The following PHACTR2 variants were observed in gnomAD, a reference collection of about 807,000 sequenced individuals.
PHACTR2 encodes phosphatase and actin regulator 2, also known as chromosome 6 open reading frame 56.
In PHACTR2, 30 loss-of-function variants were observed where a neutral mutation model predicts 76.0. The observed-to-expected ratio is 0.39, with a 90% CI of 0.30 to 0.54. The LOEUF (loss-of-function observed/expected upper bound fraction) is 0.54. PHACTR2 is among the 20% of genes least tolerant of loss of function. The probability of loss-of-function intolerance (pLI) is 0.61; values close to 1 mark genes in which losing one functional copy is unlikely to be tolerated. For missense variants in PHACTR2, 696 were observed against 781.1 expected (o/e 0.89, Z 1.30); for synonymous variants, 292 against 292.5 (o/e 1.00, Z 0.02).
rs1026879225 is a variant in PHACTR2, at chr6:143,628,961, A to C, written c.13+20639A>C. ...TATATATATATATATATATATATAT[A>C]TATATATATATATATATACTGCAAA... On this transcript the variant is annotated intron_variant, in intron 1 of 11. Transcript: ENST00000305766. 1.0e-4 allele frequency among the ~76,000 whole-genome samples: 12 copies of C among 115,258 alleles called. 1 individual carries two copies. Among genetic ancestry groups the C allele is most frequent in the Admixed American group, 6.7e-4 (8 of 11,968 alleles). 75.6% of individuals were successfully genotyped at this position (115,258 alleles called of 152,430 possible).
chr6:143,745,266 C>T (rs1353704372), intron 2 of PHACTR2, among the ~76,000 whole-genome samples: 6 of 152,160 alleles, frequency 3.9e-5, no homozygotes, highest in Admixed American at 3.3e-4. Context: ...CGACTGCTGC[C>T]GTTTTCTGCT....
rs553151537 is a variant in PHACTR2, at chr6:143,726,069, G to A, written c.214+13886G>A. Among the ~76,000 whole-genome samples, 96 of 152,298 alleles carry A rather than the reference G, an allele frequency of 6.3e-4. 1 individual carries two copies. The highest frequency in any genetic ancestry group is 2.0e-3 in the African/African-American group (85 of 41,576). On this transcript the variant is annotated intron_variant, in intron 2 of 12. Transcript: ENST00000440869. Reference sequence around the variant, plus strand: ...AAATAAAGTTGCTATAAACATTCTTGTGTACATTCTTGTGTGAGCAAAAGT... The same window carrying A: ...AAATAAAGTTGCTATAAACATTCTTATGTACATTCTTGTGTGAGCAAAAGT...
intron 1 of PHACTR2, among the ~76,000 whole-genome samples, chr6:143,569,306 A>G (rs954730410): frequency 1.3e-5 from 2 of 152,240 alleles, no homozygotes; most frequent in Non-Finnish European, 2.9e-5. Flanking sequence ...AATCATAGCC[A>G]CAGGATGGTG....
At chr6:143,544,709 A>T (rs1423004604) in intron 1 of PHACTR2, among the ~76,000 whole-genome samples, 7 of 152,194 alleles carry the variant, frequency 4.6e-5, no homozygotes, top group Non-Finnish European at 1.0e-4. Flanking sequence ...ATCATTGAAG[A>T]TGGAAAGCAT....
At chr6:143,612,222 GA>G (rs1245820965) in intron 1 of PHACTR2, among the ~76,000 whole-genome samples, 1 of 152,158 alleles carries the variant, frequency 6.6e-6, no homozygotes, top group Non-Finnish European at 1.5e-5. Flanking sequence ...TTTATAGATG[GA>G]AATAAGACCA....
intron 2 of PHACTR2, among the ~76,000 whole-genome samples, chr6:143,723,217 T>C (rs112258204): frequency 1.3e-3 from 194 of 152,328 alleles, no homozygotes; most frequent in Non-Finnish European, 2.4e-3. Context: ...ACTCTTTTCA[T>C]ATGTCATGAT....
chr6:143,647,715 T>C lies in PHACTR2; in HGVS notation c.13+39393T>C, dbSNP rs551530993. Among the ~76,000 whole-genome samples the C allele has an allele frequency of 2.8e-4, 43 of 152,214 alleles. No individual in the cohort carries two copies. The highest frequency in any genetic ancestry group is 1.0e-3 in the African/African-American group (42 of 41,526). The stretch of plus-strand genomic sequence containing the variant: ...GAGGGAGGAGGAAACCTTGCAGATA[T>C]CTTGGGAGAAGAGCACCTGTACAGA... On this transcript the variant is annotated intron_variant, in intron 1 of 11. Transcript: ENST00000305766. The surrounding 1 kb of genome is among the most constrained non-coding windows in gnomAD (Gnocchi z 4.2).
In PHACTR2 at chr6:143,556,409, G is replaced by A. The variant is rs747099189; in HGVS notation, c.217+19202G>A. The stretch of plus-strand genomic sequence containing the variant: ...AGGAAGTAGTGCATTTTACTAAATG[G>A]AGAAAACATTGAAGGCAGCCAGCTT... On this transcript the variant is annotated intron_variant, in intron 1 of 11. Coordinates refer to the PHACTR2 transcript ENST00000367584. This position sits in a 1 kb window ranked among gnomAD's most constrained non-coding sequence, Gnocchi z 4.3. Among the ~76,000 whole-genome samples, 99 of 152,320 alleles carry A rather than the reference G, an allele frequency of 6.5e-4. 1 individual carries two copies. Among genetic ancestry groups the A allele is most frequent in the Middle Eastern group, 6.8e-3 (2 of 294 alleles).
intron 2 of PHACTR2, among the ~76,000 whole-genome samples, chr6:143,744,749 G>A (rs1779018052): frequency 6.6e-6 from 1 of 152,236 alleles, no homozygotes. Context: ...GGGATTGTTG[G>A]AAGTAAGATG....
At position 143,658,394 on chromosome 6, in the gene PHACTR2, G is replaced by A. The variant is rs1194418211; in HGVS notation, c.13+50072G>A. On this transcript the variant is annotated intron_variant, in intron 1 of 11. Coordinates refer to the PHACTR2 transcript ENST00000305766. The surrounding 1 kb of genome is among the most constrained non-coding windows in gnomAD (Gnocchi z 4.1). The stretch of plus-strand genomic sequence containing the variant: ...GTGCAGTATTTGAAAACGAATTACA[G>A]CACTCAGTCTCTTTTTCCCAACAGA... Among the ~76,000 whole-genome samples, 1 of 152,146 alleles carries A rather than the reference G, an allele frequency of 6.6e-6. No individual in the cohort carries two copies. The highest frequency in any genetic ancestry group is 2.4e-5 in the African/African-American group (1 of 41,426).
chr6:143,576,057 A>C (rs1775503439), intron 1 of PHACTR2, among the ~76,000 whole-genome samples: 1 of 152,260 alleles, frequency 6.6e-6, no homozygotes, highest in African/African-American at 2.4e-5. Flanking sequence ...ATTGATGTCC[A>C]ACAGAACTAA....
At chr6:143,687,288 G>A (rs748638846) in intron 1 of PHACTR2, among the ~76,000 whole-genome samples, 4 of 152,006 alleles carry the variant, frequency 2.6e-5, no homozygotes, top group Non-Finnish European at 4.4e-5. Context: ...CAAGTCACAC[G>A]TCACCTCTTG....
intron 1 of PHACTR2, among the ~76,000 whole-genome samples, chr6:143,582,945 A>G (rs1318471403): frequency 6.6e-6 from 1 of 152,236 alleles, no homozygotes. Flanking sequence ...GTATAAAAAT[A>G]TATAAATAAT....
chr6:143,765,610 C>T lies in PHACTR2; in HGVS notation c.1044C>T (p.Ala348=), dbSNP rs753879112. ...TGGCTCCAGCACCTTCTCCTCTGGC[C>T]CCCCCTCTCCCTCTTGAGGATCAGT... ...PPVAPAPSPL[A]PPLPLEDQCI... Residue 348 remains alanine (A), a synonymous_variant, in exon 6 of 13, where the codon GCC becomes GCT. Coordinates refer to ENST00000440869, the MANE Select transcript of PHACTR2 (RefSeq NM_001100164.2). The surrounding 1 kb of genome is among the most constrained non-coding windows in gnomAD (Gnocchi z 4.1). 4.3e-6 allele frequency: 7 copies of T among 1,614,074 alleles called. No individual in the cohort carries two copies. Among genetic ancestry groups the T allele is most frequent in the Middle Eastern group, 1.6e-4 (1 of 6,062 alleles).
chr6:143,823,603 C>A lies in PHACTR2; in HGVS notation c.1923-71C>A, dbSNP rs967052109. ...CCTTTTCATTGTAAACATGACCACG[C>A]CTTATTCAGCTCACTGCATGCAGAA... On this transcript the variant is annotated intron_variant, in intron 12 of 12. Coordinates refer to ENST00000440869, the MANE Select transcript of PHACTR2 (RefSeq NM_001100164.2). The surrounding 1 kb of genome is among the most constrained non-coding windows in gnomAD (Gnocchi z 5.7). 1 of 1,184,800 alleles carries A rather than the reference C, an allele frequency of 8.4e-7. No individual in the cohort carries two copies. Among genetic ancestry groups the A allele is most frequent in the Admixed American group, 1.7e-5 (1 of 58,914 alleles). 73.4% of individuals were successfully genotyped at this position (1,184,800 alleles called of 1,614,324 possible).
chr6:143,607,623 T>C (rs779886075), upstream of PHACTR2, among the ~76,000 whole-genome samples: 28 of 152,194 alleles, frequency 1.8e-4, no homozygotes, highest in Non-Finnish European at 3.1e-4. Flanking sequence ...TGATCAGAAA[T>C]AGAAGAACTA....
chr6:143,543,420 G>T lies in PHACTR2; in HGVS notation c.217+6213G>T, dbSNP rs1236617374. ...CCCTCAGGAACTCACAGTTTAGTGG[G>T]GAAAGACAGGCCAATAAGCCAAAGA... On this transcript the variant is annotated intron_variant, in intron 1 of 11. Coordinates refer to the PHACTR2 transcript ENST00000367584. The surrounding 1 kb of genome is among the most constrained non-coding windows in gnomAD (Gnocchi z 4.7). 1.3e-5 allele frequency among the ~76,000 whole-genome samples: 2 copies of T among 152,208 alleles called. No individual in the cohort carries two copies. Among genetic ancestry groups the T allele is most frequent in the Non-Finnish European group, 2.9e-5 (2 of 68,036 alleles).
At chr6:143,702,735 T>C (rs1030041791) in intron 1 of PHACTR2, among the ~76,000 whole-genome samples, 12 of 150,770 alleles carry the variant, frequency 8.0e-5, no homozygotes, top group African/African-American at 2.7e-4. Flanking sequence ...TCAGAACTAC[T>C]GAGTGCTCTA....
rs981592577 is a variant in PHACTR2, at chr6:143,541,765, C to T, written c.217+4558C>T. Among the ~76,000 whole-genome samples the T allele has an allele frequency of 2.6e-5, 4 of 152,236 alleles. No homozygotes were observed. The highest frequency in any genetic ancestry group is 9.6e-5 in the African/African-American group (4 of 41,456). Reference sequence around the variant, plus strand: ...GCTTCCTGGCCACTTCCATGAGATACTGCTGTCCAAGACCAGTTCTGCTGT... The same window carrying T: ...GCTTCCTGGCCACTTCCATGAGATATTGCTGTCCAAGACCAGTTCTGCTGT... On this transcript the variant is annotated intron_variant, in intron 1 of 11. Transcript: ENST00000367584. The surrounding 1 kb of genome is among the most constrained non-coding windows in gnomAD (Gnocchi z 5.3).
Sources: gnomAD v4.1 joint callset for allele counts (sites outside exome capture counted in the v4.1 genomes callset) on GRCh38, gnomAD v4.1.1 for gene constraint, Gnocchi (gnomAD v3.1) non-coding constraint, MANE v1.5 for transcripts, NCBI Gene and HGNC (gene_info 2026-07-23, HGNC 2026-07-21) for gene names.